The following MCHR2 variants were observed in gnomAD, a reference collection of about 807,000 sequenced individuals.
MCHR2 encodes the protein melanin concentrating hormone receptor 2.
MCHR2 carries 15 observed loss-of-function variants against 24.8 expected under a neutral mutation model. The observed-to-expected ratio is 0.60, with a 90% confidence interval of 0.40 to 0.93. The LOEUF is 0.93. Among genes scored for constraint, MCHR2 ranks in the 40% least tolerant of loss-of-function variants. The pLI, the probability that MCHR2 is intolerant of heterozygous loss-of-function variation, is 0.00. For missense variants in MCHR2, 386 were observed against 408.7 expected (o/e 0.94, Z 0.48); for synonymous variants, 151 against 147.6 (o/e 1.02, Z -0.17).
At chr6:99,935,279 T>C (rs1053031881) in intron 4 of MCHR2, among the ~76,000 whole-genome samples, 10 of 152,064 alleles carry the variant, frequency 6.6e-5, no homozygotes, top group Non-Finnish European at 1.5e-4. Context: ...AGTATAGTCA[T>C]CCTACTGATT....
At chr6:99,935,978 G>C (rs1165634910) in intron 4 of MCHR2, among the ~76,000 whole-genome samples, 1 of 151,724 alleles carries the variant, frequency 6.6e-6, no homozygotes, top group East Asian at 1.9e-4. Flanking sequence ...TGTACCCATT[G>C]GCCATTTATA....
chr6:99,935,425 T>A (rs1431408799), intron 4 of MCHR2, among the ~76,000 whole-genome samples: 1 of 152,022 alleles, frequency 6.6e-6, no homozygotes, highest in Non-Finnish European at 1.5e-5. Flanking sequence ...TGAGATTCAC[T>A]TTTTTAGCTC....
chr6:99,981,796 C>T (rs139896590), intron 1 of MCHR2, among the ~76,000 whole-genome samples: 46 of 152,254 alleles, frequency 3.0e-4, no homozygotes, highest in Non-Finnish European at 4.0e-4. Flanking sequence ...TCAGAAATGG[C>T]TCACCTCTAA....
intron 1 of MCHR2, among the ~76,000 whole-genome samples, chr6:99,964,957 G>T (rs1038065685): frequency 6.6e-6 from 1 of 151,966 alleles, no homozygotes; most frequent in Non-Finnish European, 1.5e-5. Flanking sequence ...TATTACTAGG[G>T]CTACATATAA....
At chr6:99,958,865 C>A (rs149130885) in intron 1 of MCHR2, among the ~76,000 whole-genome samples, 2 of 152,226 alleles carry the variant, frequency 1.3e-5, no homozygotes, top group East Asian at 3.9e-4. Flanking sequence ...TTTCAAGGGG[C>A]TTCCTTGGGG....
At chr6:99,966,585 C>T (rs950462545) in intron 1 of MCHR2, among the ~76,000 whole-genome samples, 2 of 152,252 alleles carry the variant, frequency 1.3e-5, no homozygotes, top group East Asian at 1.9e-4. Flanking sequence ...GAATGCCCAA[C>T]AATATTTGGT....
At chr6:99,922,330 A>G (rs991603426) in intron 5 of MCHR2, among the ~76,000 whole-genome samples, 3 of 151,936 alleles carry the variant, frequency 2.0e-5, no homozygotes, top group Non-Finnish European at 4.4e-5. Flanking sequence ...GATGGTCTTG[A>G]TCTCCTAACC....
At chr6:99,968,197 G>A (rs1027748695) in intron 1 of MCHR2, among the ~76,000 whole-genome samples, 1 of 152,152 alleles carries the variant, frequency 6.6e-6, no homozygotes, top group African/African-American at 2.4e-5. Context: ...AAGAACTGTA[G>A]GAATGAGTTG....
At chr6:99,922,973 G>A (rs1376863224) in intron 5 of MCHR2, among the ~76,000 whole-genome samples, 1 of 151,992 alleles carries the variant, frequency 6.6e-6, no homozygotes, top group African/African-American at 2.4e-5. Flanking sequence ...TCCGTAGATT[G>A]CTTTGGGTAG....
intron 1 of MCHR2, among the ~76,000 whole-genome samples, chr6:99,971,432 A>AAG (rs1775417463): frequency 3.3e-5 from 5 of 151,624 alleles, no homozygotes; most frequent in African/African-American, 4.8e-5. Flanking sequence ...TTTTGCTGAA[A>AAG]TTGCTTATCA....
chr6:99,987,261 C>T (rs915814753), intron 1 of MCHR2, among the ~76,000 whole-genome samples: 6 of 152,138 alleles, frequency 3.9e-5, no homozygotes, highest in Admixed American at 2.0e-4. Flanking sequence ...CCACTGCACC[C>T]GGCTAATCCT....
At chr6:99,969,521 G>A (rs757795160) in intron 1 of MCHR2, among the ~76,000 whole-genome samples, 12 of 149,804 alleles carry the variant, frequency 8.0e-5, no homozygotes, top group Non-Finnish European at 1.5e-4. Flanking sequence ...AAGGAAGCCT[G>A]TTGTATTTAG....
intron 3 of MCHR2, among the ~76,000 whole-genome samples, chr6:99,944,483 G>T (rs1391597952): frequency 1.3e-5 from 2 of 152,122 alleles, no homozygotes; most frequent in Admixed American, 6.5e-5. Context: ...CAAATTTCCT[G>T]TCCTCTTGCG....
chr6:99,959,224 G>C (rs542407919), intron 1 of MCHR2, among the ~76,000 whole-genome samples: 25 of 152,184 alleles, frequency 1.6e-4, no homozygotes, highest in African/African-American at 5.3e-4. Context: ...TGGTACAAAA[G>C]ATAGATACCA....
chr6:99,981,011 A>G lies in MCHR2; in HGVS notation c.-28+12925T>C, dbSNP rs559661092. Among the ~76,000 whole-genome samples the G allele has an allele frequency of 4.6e-5, 7 of 152,354 alleles. No individual in the cohort carries two copies. In the South Asian group the frequency reaches 1.4e-3, roughly 32 times the overall value. The stretch of plus-strand genomic sequence containing the variant: ...CAAATTTAACAAAGGAAAAATCCTT[A>G]GATAATCTTCATGTCTTTCAAATAG... On this transcript the variant is annotated intron_variant, in intron 1 of 5. Transcript: ENST00000281806.
In MCHR2 at chr6:99,947,117, G is replaced by A. The variant is rs535298028; in HGVS notation, c.392+645C>T. On this transcript the variant is annotated intron_variant, in intron 3 of 5. Coordinates refer to ENST00000281806, the MANE Select transcript of MCHR2 (RefSeq NM_001040179.2). ...CATTAGCTTACATGGATGGTGAAAAGGGCTATGGCACATTTCCAAGACATA... is the reference window on the plus strand; with the variant it reads ...CATTAGCTTACATGGATGGTGAAAAAGGCTATGGCACATTTCCAAGACATA... Among the ~76,000 whole-genome samples the A allele has an allele frequency of 5.3e-5, 8 of 152,176 alleles. No homozygotes were observed. In the East Asian group the frequency reaches 1.4e-3, roughly 26 times the overall value.
Position 99,991,808 on chromosome 6 carries a change from C to CA in MCHR2, c.-28+2127dup, listed in dbSNP as rs3038469. ...TGGGTGACAGAGTGAGACTCCGTCT[C>CA]AAAAAAAAAAAAAAAAAAGAAAAGA... On this transcript the variant is annotated intron_variant, in intron 1 of 5. Coordinates refer to ENST00000281806, the MANE Select transcript of MCHR2 (RefSeq NM_001040179.2). Among the ~76,000 whole-genome samples the CA allele has an allele frequency of 7.4e-3, 607 of 81,930 alleles. 15 individuals are homozygous for CA. The highest frequency in any genetic ancestry group is 0.019 in the African/African-American group (407 of 21,458). The allele number at this position is 81,930 out of a possible 152,430, so 53.7% of individuals were successfully genotyped here.
chr6:99,981,612 A>G (rs1323847385), intron 1 of MCHR2, among the ~76,000 whole-genome samples: 1 of 152,196 alleles, frequency 6.6e-6, no homozygotes, highest in Non-Finnish European at 1.5e-5. Context: ...AATATAACCC[A>G]TTGCATAAGG....
At chr6:99,937,251 A>G (rs1774680093) in intron 4 of MCHR2, among the ~76,000 whole-genome samples, 1 of 151,956 alleles carries the variant, frequency 6.6e-6, no homozygotes, top group East Asian at 1.9e-4. Context: ...ACATTGAATA[A>G]AAGTGGTGAA....
Sources: gnomAD v4.1 joint callset for allele counts (sites outside exome capture counted in the v4.1 genomes callset) on GRCh38, gnomAD v4.1.1 for gene constraint, MANE v1.5 for transcripts, NCBI Gene and HGNC (gene_info 2026-07-23, HGNC 2026-07-21) for gene names.